The following IL1RAPL1 variants were observed in gnomAD, a reference collection of about 807,000 sequenced individuals.
The protein encoded by IL1RAPL1 is interleukin 1 receptor accessory protein like 1.
Under a neutral mutation model 48.4 loss-of-function variants are expected in IL1RAPL1, and 3 were observed. The ratio of observed to expected loss-of-function variants is 0.06; its 90% CI spans 0.03 to 0.16. The LOEUF (loss-of-function observed/expected upper bound fraction) is 0.16. Among genes scored for constraint, IL1RAPL1 ranks in the 10% least tolerant of loss-of-function variants. IL1RAPL1 has a pLI of 1.00. For missense variants in IL1RAPL1, 349 were observed against 530.6 expected (o/e 0.66, Z 3.36); for synonymous variants, 185 against 187.7 (o/e 0.99, Z 0.12).
intron 6 of IL1RAPL1, among the ~76,000 whole-genome samples, chrX:29,679,324 T>A (rs2147104908): frequency 8.9e-6 from 1 of 112,138 alleles, no homozygotes; most frequent in African/African-American, 3.2e-5. Flanking sequence ...CCGATGAACC[T>A]GTATTTCTGA....
At chrX:28,921,809 A>G (rs1452513209) in intron 2 of IL1RAPL1, among the ~76,000 whole-genome samples, 2 of 112,308 alleles carry the variant, frequency 1.8e-5, no homozygotes, top group Non-Finnish European at 3.8e-5. Context: ...CACTGCTGGA[A>G]AGAGGTAACT....
At chrX:29,082,986 A>G (rs1222101057) in intron 2 of IL1RAPL1, among the ~76,000 whole-genome samples, 2 of 111,833 alleles carry the variant, frequency 1.8e-5, no homozygotes, top group East Asian at 2.8e-4. Flanking sequence ...AGCCATTTCT[A>G]TGTGCCTAAC....
At chrX:29,607,524 A>G (rs1055083512) in intron 5 of IL1RAPL1, among the ~76,000 whole-genome samples, 1 of 112,082 alleles carries the variant, frequency 8.9e-6, no homozygotes, top group Non-Finnish European at 1.9e-5. Flanking sequence ...AAATGATGTT[A>G]GTGACGTGAA....
intron 5 of IL1RAPL1, among the ~76,000 whole-genome samples, chrX:29,524,349 T>C (rs1407795125): frequency 9.0e-6 from 1 of 111,000 alleles, no homozygotes; most frequent in Non-Finnish European, 1.9e-5. Flanking sequence ...GATACACACA[T>C]ACATTTAGCA....
In IL1RAPL1 at chrX:28,969,370, C is replaced by G. The variant is rs1488355530; in HGVS notation, c.82+179945C>G. Among the ~76,000 whole-genome samples, 5 of 110,799 alleles carry G rather than the reference C, an allele frequency of 4.5e-5. No individual in the cohort carries two copies. The Admixed American group carries it at 4.8e-4, about 11-fold the overall frequency. On this transcript the variant is annotated intron_variant, in intron 2 of 10. Transcript: ENST00000378993. ...TTCTTAAAGTTACATGATTTTTAGT[C>G]TCATTCTCAAGAGACTTGGAAATGT...
chrX:29,522,356 G>A (rs957145302), intron 5 of IL1RAPL1, among the ~76,000 whole-genome samples: 5 of 110,241 alleles, frequency 4.5e-5, no homozygotes, highest in South Asian at 3.9e-4. Flanking sequence ...CTACGAGGTC[G>A]CATTATATTG....
intron 2 of IL1RAPL1, among the ~76,000 whole-genome samples, chrX:29,212,463 C>T (rs1328922194): frequency 9.0e-6 from 1 of 111,278 alleles, no homozygotes; most frequent in Non-Finnish European, 1.9e-5. Context: ...CGCCCACCAC[C>T]ATGCCCAGCT....
intron 6 of IL1RAPL1, among the ~76,000 whole-genome samples, chrX:29,681,671 C>G (rs976359925): frequency 8.9e-6 from 1 of 112,067 alleles, no homozygotes; most frequent in Non-Finnish European, 1.9e-5. Flanking sequence ...ACCTAATTTA[C>G]TTGTGAAAAT....
At chrX:29,708,645 A>T (rs994783506) in intron 6 of IL1RAPL1, among the ~76,000 whole-genome samples, 3 of 112,281 alleles carry the variant, frequency 2.7e-5, no homozygotes, top group East Asian at 2.8e-4. Context: ...TTGGTTCCAT[A>T]TGTTGGCTAC....
At chrX:28,947,597 A>G (rs2147352915) in intron 2 of IL1RAPL1, among the ~76,000 whole-genome samples, 1 of 111,028 alleles carries the variant, frequency 9.0e-6, no homozygotes, top group East Asian at 2.9e-4. Context: ...AGAAATACCT[A>G]ATGTAAATGA....
chrX:29,795,104 C>T (rs927149753), intron 6 of IL1RAPL1, among the ~76,000 whole-genome samples: 3 of 111,576 alleles, frequency 2.7e-5, no homozygotes, highest in Non-Finnish European at 5.7e-5. Flanking sequence ...AATAGCTTTC[C>T]GGATAGGTTT....
intron 6 of IL1RAPL1, among the ~76,000 whole-genome samples, chrX:29,763,685 G>A (rs986399751): frequency 2.7e-5 from 3 of 111,095 alleles, no homozygotes; most frequent in Non-Finnish European, 5.7e-5. Flanking sequence ...GTTCACCATA[G>A]ACAATGAACC....
At chrX:29,278,697 A>G (rs975371768) in intron 2 of IL1RAPL1, among the ~76,000 whole-genome samples, 141 of 112,703 alleles carry the variant, frequency 1.3e-3, no homozygotes, top group African/African-American at 4.1e-3. Context: ...TGTGTACTGA[A>G]ATCAACAGTG....
intron 1 of IL1RAPL1, among the ~76,000 whole-genome samples, chrX:28,729,645 A>G (rs1435262568): frequency 1.8e-5 from 2 of 110,928 alleles, no homozygotes; most frequent in African/African-American, 3.3e-5. Flanking sequence ...TTATCTGAAA[A>G]TGGGAAGCTA....
In IL1RAPL1 at chrX:29,041,205, A is replaced by G. The variant is rs1454768260; in HGVS notation, c.83-241733A>G. On this transcript the variant is annotated intron_variant, in intron 2 of 10. Coordinates refer to ENST00000378993, the MANE Select transcript of IL1RAPL1 (RefSeq NM_014271.4). ...TCATTCTTTTCACTTATAAAAAGGCATATGATGTAGAGAACATTGGAAGCC... is the reference window on the plus strand; with the variant it reads ...TCATTCTTTTCACTTATAAAAAGGCGTATGATGTAGAGAACATTGGAAGCC... 2.7e-5 allele frequency among the ~76,000 whole-genome samples: 3 copies of G among 111,986 alleles called. No individual in the cohort carries two copies. In the Admixed American group the frequency reaches 2.9e-4, roughly 11 times the overall value.
In IL1RAPL1 at chrX:29,391,227, C is replaced by T. The variant is rs979467291; in HGVS notation, c.363-5031C>T. Among the ~76,000 whole-genome samples the T allele has an allele frequency of 2.7e-5, 3 of 110,830 alleles. No individual in the cohort carries two copies. The East Asian group carries it at 8.5e-4, about 31-fold the overall frequency. On this transcript the variant is annotated intron_variant, in intron 3 of 10. Coordinates refer to ENST00000378993, the MANE Select transcript of IL1RAPL1 (RefSeq NM_014271.4). ...CCCATGCATATCAACTCTGAATTGTCTTCTATTTCAAAGTACAACAGTACT... is the reference window on the plus strand; with the variant it reads ...CCCATGCATATCAACTCTGAATTGTTTTCTATTTCAAAGTACAACAGTACT...
chrX:29,217,767 TCTCTCTCTCTCACA>T (rs1468049129), intron 2 of IL1RAPL1, among the ~76,000 whole-genome samples: 4 of 71,186 alleles, frequency 5.6e-5, no homozygotes, highest in African/African-American at 2.6e-4. Flanking sequence ...TCTCTCTCTC[TCTCTCTCTCTCACA>T]CACACACACA....
chrX:29,190,227 A>C (rs1249832582), intron 2 of IL1RAPL1, among the ~76,000 whole-genome samples: 1 of 112,354 alleles, frequency 8.9e-6, no homozygotes, highest in African/African-American at 3.2e-5. Context: ...ATCTGTCCTT[A>C]TGGACTGTCA....
At chrX:29,090,279 C>T (rs562588399) in intron 2 of IL1RAPL1, among the ~76,000 whole-genome samples, 3 of 111,490 alleles carry the variant, frequency 2.7e-5, no homozygotes, top group South Asian at 7.4e-4. Context: ...TTAAATTTTC[C>T]GTACGTTTCC....
Sources: allele counts gnomAD v4.1 joint callset (sites outside exome capture counted in the v4.1 genomes callset), GRCh38; gene constraint gnomAD v4.1.1; transcripts MANE v1.5; gene names NCBI Gene and HGNC (gene_info 2026-07-23, HGNC 2026-07-21).